Variants in PTPRN2 observed in about 807,000 individuals in gnomAD.
The protein encoded by PTPRN2 is receptor-type tyrosine-protein phosphatase N2.
PTPRN2 carries 74 observed loss-of-function variants against 118.8 expected under a neutral mutation model. That is an observed-to-expected ratio of 0.62 (90% CI 0.52 to 0.76). PTPRN2 has a LOEUF of 0.76. PTPRN2 is among the 30% of genes least tolerant of loss of function. The pLI is 0.00. For missense variants in PTPRN2, 1,481 were observed against 1,394.4 expected (o/e 1.06, Z -0.99); for synonymous variants, 641 against 608.0 (o/e 1.05, Z -0.80).
At chr7:158,456,762 G>T (rs1270617178) in intron 2 of PTPRN2, among the ~76,000 whole-genome samples, 2 of 152,218 alleles carry the variant, frequency 1.3e-5, no homozygotes, top group East Asian at 3.9e-4. Flanking sequence ...TCTAGCAAAT[G>T]AGGACTTATC....
At chr7:158,071,748 A>ATGG (rs1257261168) in intron 11 of PTPRN2, among the ~76,000 whole-genome samples, 1 of 27,176 alleles carries the variant, frequency 3.7e-5, no homozygotes, top group Non-Finnish European at 7.2e-5. Flanking sequence ...GGAGGTGCTC[A>ATGG]TGGTGGAGGT....
At chr7:157,669,264 C>T (rs1585209346) in intron 13 of PTPRN2, among the ~76,000 whole-genome samples, 2 of 152,332 alleles carry the variant, frequency 1.3e-5, no homozygotes, top group South Asian at 4.1e-4. Flanking sequence ...CCCCGGCAGC[C>T]GAGCCTGTCC....
chr7:157,968,106 C>T (rs1453647619), intron 11 of PTPRN2, among the ~76,000 whole-genome samples: 1 of 152,138 alleles, frequency 6.6e-6, no homozygotes, highest in Non-Finnish European at 1.5e-5. Flanking sequence ...CAGGGGAGGA[C>T]CCACTACTCC....
chr7:157,568,749 G>A (rs1409045707), intron 21 of PTPRN2, among the ~76,000 whole-genome samples, 153 bp downstream of exon 21: 1 of 152,246 alleles, frequency 6.6e-6, no homozygotes, highest in Admixed American at 6.5e-5. Context: ...AGAAGCAGAT[G>A]TGCTTGCTGC....
intron 1 of PTPRN2, among the ~76,000 whole-genome samples, chr7:158,516,880 G>A (rs745805913): frequency 7.2e-4 from 109 of 152,168 alleles, no homozygotes; most frequent in Non-Finnish European, 6.8e-4. Context: ...TGTTCTTGGT[G>A]CTTCTGCCTA....
chr7:157,740,490 C>CAGG (rs1316747722), intron 12 of PTPRN2: 4 of 152,058 alleles, frequency 2.6e-5, no homozygotes, highest in Admixed American at 6.5e-5. Context: ...CACGGCAACG[C>CAGG]GGGAGCCTGA....
rs1348777615 is a variant in PTPRN2, at chr7:157,674,916, T to G, written c.2001+7809A>C. On this transcript the variant is annotated intron_variant, in intron 13 of 22. Coordinates refer to ENST00000389418, the MANE Select transcript of PTPRN2 (RefSeq NM_002847.5). The surrounding 1 kb of genome is among the most constrained non-coding windows in gnomAD (Gnocchi z 4.5). The stretch of plus-strand genomic sequence containing the variant: ...GGCTTCTTCTCCTTGCCAACAACGA[T>G]GCCCTCCTCCCGAGGGACGGTGGCC... Among the ~76,000 whole-genome samples, 1 of 152,062 alleles carries G rather than the reference T, an allele frequency of 6.6e-6. No individual in the cohort carries two copies. Among genetic ancestry groups the G allele is most frequent in the African/African-American group, 2.4e-5 (1 of 41,416 alleles).
intron 6 of PTPRN2, among the ~76,000 whole-genome samples, chr7:158,145,841 C>A (rs1426313779): frequency 6.6e-6 from 1 of 152,216 alleles, no homozygotes; most frequent in East Asian, 1.9e-4. Flanking sequence ...CCAGGCTGGA[C>A]TCCCATGAAG....
At chr7:158,414,406 C>G (rs1814474124) in intron 2 of PTPRN2, among the ~76,000 whole-genome samples, 1 of 152,182 alleles carries the variant, frequency 6.6e-6, no homozygotes, top group African/African-American at 2.4e-5. Context: ...AATGGCTATT[C>G]AGGCCTAAGA....
intron 11 of PTPRN2, among the ~76,000 whole-genome samples, chr7:158,058,063 A>G (rs888351978): frequency 6.6e-6 from 1 of 152,276 alleles, no homozygotes; most frequent in Non-Finnish European, 1.5e-5. Flanking sequence ...AAATCTGCAT[A>G]AAGAAGAGTT....
At chr7:157,561,387 C>T (rs1799185044) in intron 21 of PTPRN2, among the ~76,000 whole-genome samples, 2 of 152,272 alleles carry the variant, frequency 1.3e-5, no homozygotes, top group African/African-American at 4.8e-5. Flanking sequence ...TCAGTTTCCT[C>T]TTCCTCCGGT....
At chr7:157,931,680 C>T (rs1426051017) in intron 11 of PTPRN2, among the ~76,000 whole-genome samples, 1 of 152,024 alleles carries the variant, frequency 6.6e-6, no homozygotes, top group Non-Finnish European at 1.5e-5. Flanking sequence ...GACGAGGGGA[C>T]ATTTTCAGTG....
chr7:157,771,851 GAC>G (rs1802842398), intron 12 of PTPRN2, among the ~76,000 whole-genome samples: 1 of 142,078 alleles, frequency 7.0e-6, no homozygotes, highest in Non-Finnish European at 1.5e-5. Context: ...GACACAAACA[GAC>G]ACACACGGAG....
At chr7:158,127,378 G>C (rs761972815) in intron 9 of PTPRN2, among the ~76,000 whole-genome samples, 3 of 151,988 alleles carry the variant, frequency 2.0e-5, no homozygotes, top group Non-Finnish European at 2.9e-5. Flanking sequence ...CCTGAGCCCC[G>C]TTCATCTCTC....
intron 11 of PTPRN2, among the ~76,000 whole-genome samples, chr7:157,947,390 G>A (rs868379616): frequency 6.6e-6 from 1 of 152,218 alleles, no homozygotes; most frequent in African/African-American, 2.4e-5. Flanking sequence ...TTGGTTAAAA[G>A]ACATTCTGTG....
intron 10 of PTPRN2, among the ~76,000 whole-genome samples, chr7:158,102,804 T>C (rs914089947): frequency 2.0e-5 from 3 of 152,032 alleles, no homozygotes; most frequent in Non-Finnish European, 4.4e-5. Context: ...GTTCAGGACA[T>C]AGATAGGCAC....
chr7:158,419,626 G>A (rs188115050), intron 2 of PTPRN2, among the ~76,000 whole-genome samples: 39 of 152,204 alleles, frequency 2.6e-4, no homozygotes, highest in East Asian at 2.5e-3. Flanking sequence ...GCCTCACCAC[G>A]CAGCACTGCA....
Position 158,130,908 on chromosome 7 carries a change from GAC to G in PTPRN2, c.1556+2767_1556+2768del, listed in dbSNP as rs557018238. Among the ~76,000 whole-genome samples, 63 of 58,158 alleles carry G rather than the reference GAC, an allele frequency of 1.1e-3. No homozygotes were observed. The Middle Eastern group carries it at 0.032, about 29-fold the overall frequency. 38.2% of individuals were successfully genotyped at this position (58,158 alleles called of 152,430 possible). A position where few individuals can be genotyped will look rare whatever the true frequency, so the allele number is the denominator to read the frequency against. ...ACGCACAAACCGATACACATCTACC[GAC>G]ACACACACTCATACACACACATGCA... On this transcript the variant is annotated intron_variant, in intron 9 of 22. Coordinates refer to ENST00000389418, the MANE Select transcript of PTPRN2 (RefSeq NM_002847.5).
intron 1 of PTPRN2, among the ~76,000 whole-genome samples, chr7:158,558,312 G>GT (rs1219288856): frequency 6.6e-6 from 1 of 152,180 alleles, no homozygotes; most frequent in Non-Finnish European, 1.5e-5. Context: ...TACATAACAG[G>GT]TAACTTCAGT....
Sources: allele counts gnomAD v4.1 joint callset (sites outside exome capture counted in the v4.1 genomes callset), GRCh38; gene constraint gnomAD v4.1.1; non-coding constraint Gnocchi (gnomAD v3.1); transcripts MANE v1.5; gene names NCBI Gene and HGNC (gene_info 2026-07-23, HGNC 2026-07-21).